Variants in TG observed in about 807,000 individuals in gnomAD.
TG encodes the protein thyroglobulin.
Under a neutral mutation model 324.7 loss-of-function variants are expected in TG, and 270 were observed. The observed-to-expected ratio is 0.83, with a 90% CI of 0.75 to 0.92. The LOEUF (loss-of-function observed/expected upper bound fraction) is 0.92. Among genes scored for constraint, TG ranks in the 40% least tolerant of loss-of-function variants. The pLI, the probability that TG is intolerant of heterozygous loss-of-function variation, is 0.00. For synonymous variants in TG, 1,401 were observed against 1,327.0 expected (o/e 1.06, Z -1.21); for missense variants, 3,591 against 3,456.4 (o/e 1.04, Z -0.98).
chr8:133,054,476 G>A (rs146976756), intron 41 of TG, among the ~76,000 whole-genome samples: 118 of 152,212 alleles, frequency 7.8e-4, no homozygotes, highest in African/African-American at 2.7e-3. Flanking sequence ...TGAATAAAAA[G>A]GGAAATTGCC....
At chr8:133,044,202 T>C (rs182291169) in intron 41 of TG, among the ~76,000 whole-genome samples, 1 of 152,186 alleles carries the variant, frequency 6.6e-6, no homozygotes, top group Non-Finnish European at 1.5e-5. Flanking sequence ...CGTTCACAAT[T>C]TCTCCCTTTT....
intron 41 of TG, among the ~76,000 whole-genome samples, chr8:133,042,245 C>T (rs991960914): frequency 6.6e-6 from 1 of 152,186 alleles, no homozygotes; most frequent in African/African-American, 2.4e-5. Context: ...CATCCTCCAG[C>T]TGTCTCTTGG....
At chr8:133,101,078 G>A (rs1354523894) in intron 43 of TG, among the ~76,000 whole-genome samples, 1 of 152,120 alleles carries the variant, frequency 6.6e-6, no homozygotes, top group East Asian at 1.9e-4. Context: ...TTGCAGGGCA[G>A]GAGTGGGGAG....
chr8:132,889,935 C>T (rs1370423623), intron 10 of TG, among the ~76,000 whole-genome samples: 2 of 152,146 alleles, frequency 1.3e-5, no homozygotes, highest in Admixed American at 6.5e-5. Context: ...TGCCACCACA[C>T]CCAGCTAATT....
intron 43 of TG, among the ~76,000 whole-genome samples, chr8:133,105,968 C>G (rs1288267946): frequency 1.3e-5 from 2 of 152,062 alleles, no homozygotes; most frequent in East Asian, 3.9e-4. Flanking sequence ...CAGTTGGAGC[C>G]CACCATGTAG....
chr8:133,002,202 C>G, intron 35 of TG: 3 of 985,438 alleles, frequency 3.0e-6, no homozygotes, highest in Non-Finnish European at 3.6e-6. Flanking sequence ...GAGGCAATGG[C>G]CAGAGCAGAA....
intron 15 of TG, 113 bp downstream of exon 15, chr8:132,900,452 G>GCCCC: frequency 2.5e-5 from 24 of 970,990 alleles, no homozygotes; most frequent in Non-Finnish European, 3.6e-5. Flanking sequence ...AGCTGTGGGG[G>GCCCC]CACAGCTGCT....
At chr8:132,913,376 C>A in intron 20 of TG, 111 bp downstream of exon 20, 2 of 1,146,696 alleles carry the variant, frequency 1.7e-6, no homozygotes, top group East Asian at 2.5e-5. Flanking sequence ...TGAGAACCAT[C>A]CATTTAGTTA....
At chr8:133,093,969 G>C (rs1407366483) in intron 41 of TG, among the ~76,000 whole-genome samples, 1 of 152,202 alleles carries the variant, frequency 6.6e-6, no homozygotes, top group Non-Finnish European at 1.5e-5. Flanking sequence ...ATTTCCATCA[G>C]TGGCAGTAGC....
In TG at chr8:133,052,527, TG is replaced by T. The variant is rs372555775; in HGVS notation, c.7239+22509del. On this transcript the variant is annotated intron_variant, in intron 41 of 47. Coordinates refer to ENST00000220616, the MANE Select transcript of TG (RefSeq NM_003235.5). ...CTGCTGCAGACCTTCCCCAAACCTG[TG>T]GGGGCAGCTCCCTCACATTCTGCTT... Among the ~76,000 whole-genome samples the T allele has an allele frequency of 1.1e-4, 16 of 152,278 alleles. 1 individual carries two copies. Among genetic ancestry groups the T allele is most frequent in the African/African-American group, 3.9e-4 (16 of 41,552 alleles).
chr8:133,023,299 C>T (rs1348523014), intron 40 of TG, among the ~76,000 whole-genome samples: 3 of 147,062 alleles, frequency 2.0e-5, no homozygotes, highest in Non-Finnish European at 4.5e-5. Context: ...GGATGAGAAA[C>T]AGATTTCAGA....
intron 40 of TG, among the ~76,000 whole-genome samples, chr8:133,024,351 TTTCTTTCTTTC>T (rs1835849515): frequency 8.0e-6 from 1 of 125,024 alleles, no homozygotes; most frequent in Non-Finnish European, 1.7e-5. Context: ...TCTTTCTTTC[TTTCTTTCTTTC>T]TTTCTTTCTT....
intron 4 of TG, among the ~76,000 whole-genome samples, chr8:132,872,226 C>A (rs1413345816): frequency 6.6e-6 from 1 of 151,924 alleles, no homozygotes; most frequent in Non-Finnish European, 1.5e-5. Context: ...CGCCTGTAAT[C>A]CCAGCACTTT....
At chr8:132,868,012 AATGATG>A (rs1330949231) in intron 1 of TG, 97 bp from the exon 2 acceptor site, 1 of 1,003,618 alleles carries the variant, frequency 1.0e-6, no homozygotes, top group Non-Finnish European at 1.6e-6. Flanking sequence ...TGTCATAGGT[AATGATG>A]ATGACCCTGG....
intron 41 of TG, among the ~76,000 whole-genome samples, chr8:133,053,136 C>T (rs754320340): frequency 1.3e-5 from 2 of 152,186 alleles, no homozygotes; most frequent in African/African-American, 2.4e-5. Context: ...ACCGTTCCCA[C>T]CTTTGTCAAC....
chr8:133,091,628 CTA>C (rs945923790), intron 41 of TG, among the ~76,000 whole-genome samples: 6 of 151,606 alleles, frequency 4.0e-5, no homozygotes, highest in Non-Finnish European at 5.9e-5. Flanking sequence ...CTGGGTGTGT[CTA>C]TGTGTGTGTA....
chr8:132,961,180 G>C lies in TG; in HGVS notation c.5467+107G>C, dbSNP rs1277043484. On this transcript the variant is annotated intron_variant, in intron 28 of 47. Transcript: ENST00000220616. ...CTCTATTTCTGTAGAGGAATAGGTAGAGAGTCACTTTCCAAATGCATACTT... is the reference window on the plus strand; with the variant it reads ...CTCTATTTCTGTAGAGGAATAGGTACAGAGTCACTTTCCAAATGCATACTT... The C allele has an allele frequency of 1.1e-5, 12 of 1,136,298 alleles. No individual in the cohort carries two copies. In the Admixed American group the frequency reaches 1.6e-4, roughly 15 times the overall value. 70.4% of individuals were successfully genotyped at this position (1,136,298 alleles called of 1,614,324 possible).
intron 44 of TG, among the ~76,000 whole-genome samples, chr8:133,115,424 A>G (rs1479310029): frequency 6.6e-6 from 1 of 152,090 alleles, no homozygotes; most frequent in Non-Finnish European, 1.5e-5. Context: ...CATGGGGGGA[A>G]ACTCAGTTGG....
At chr8:133,056,780 A>G (rs1266403834) in intron 41 of TG, among the ~76,000 whole-genome samples, 1 of 152,178 alleles carries the variant, frequency 6.6e-6, no homozygotes. Flanking sequence ...AGGAGGACAG[A>G]GAGACTAAGG....
Sources: allele counts gnomAD v4.1 joint callset (sites outside exome capture counted in the v4.1 genomes callset), GRCh38; gene constraint gnomAD v4.1.1; transcripts MANE v1.5; gene names NCBI Gene and HGNC (gene_info 2026-07-23, HGNC 2026-07-21).